GPC5: variants seen among roughly 807,000 people sequenced by gnomAD.
GPC5 encodes the protein glypican 5, also known as glypican-5.
In GPC5, 47 loss-of-function variants were observed where a neutral mutation model predicts 53.9. The observed-to-expected ratio is 0.87, with a 90% CI of 0.69 to 1.11. GPC5 has a LOEUF of 1.11. GPC5 is among the 50% of genes most tolerant of loss of function. GPC5 has a pLI of 0.00. For missense variants in GPC5, 748 were observed against 713.1 expected, an observed-to-expected ratio of 1.05 and a Z score of -0.56; for synonymous variants, 286 against 263.3, an observed-to-expected ratio of 1.09 and a Z score of -0.84.
chr13:92,273,967 A>G (rs2042857869), intron 7 of GPC5, among the ~76,000 whole-genome samples: 1 of 152,150 alleles, frequency 6.6e-6, no homozygotes, highest in African/African-American at 2.4e-5. Flanking sequence ...GAATCGCCTA[A>G]CTATACAAGA....
chr13:92,191,494 C>T (rs1696924168), intron 7 of GPC5, among the ~76,000 whole-genome samples: 1 of 152,126 alleles, frequency 6.6e-6, no homozygotes, highest in South Asian at 2.1e-4. Context: ...TAAACATACT[C>T]TTACCATATG....
At chr13:91,479,559 G>T (rs757049735) in intron 2 of GPC5, among the ~76,000 whole-genome samples, 12 of 152,072 alleles carry the variant, frequency 7.9e-5, no homozygotes, top group African/African-American at 2.4e-4. Flanking sequence ...AATTCCCCAA[G>T]AATATAGTCT....
chr13:91,418,179 C>T (rs1878368745), intron 1 of GPC5, among the ~76,000 whole-genome samples: 1 of 151,996 alleles, frequency 6.6e-6, no homozygotes, highest in Admixed American at 6.6e-5. Flanking sequence ...GCGTTTAGTA[C>T]TATGAATGGT....
chr13:91,658,964 G>A (rs1185389403), intron 2 of GPC5, among the ~76,000 whole-genome samples: 4 of 152,104 alleles, frequency 2.6e-5, no homozygotes, highest in Non-Finnish European at 4.4e-5. Flanking sequence ...TCAGGCTATT[G>A]TGTAATTTTC....
chr13:92,298,189 C>T (rs1468458996), intron 7 of GPC5, among the ~76,000 whole-genome samples: 1 of 152,156 alleles, frequency 6.6e-6, no homozygotes, highest in Admixed American at 6.5e-5. Context: ...GCCCACAGCA[C>T]CCAGTCTGTT....
At chr13:92,657,707 A>T (rs1484692778) in intron 7 of GPC5, among the ~76,000 whole-genome samples, 6 of 151,414 alleles carry the variant, frequency 4.0e-5, no homozygotes, top group Admixed American at 1.3e-4. Context: ...CCTCAATGTA[A>T]CCACATTCTT....
chr13:92,579,640 A>G (rs1399037962), intron 7 of GPC5, among the ~76,000 whole-genome samples: 7 of 152,118 alleles, frequency 4.6e-5, no homozygotes, highest in Non-Finnish European at 8.8e-5. Context: ...CTAATGGCTC[A>G]GCCTTTCCAT....
chr13:91,713,083 C>G (rs1021138496), intron 3 of GPC5, among the ~76,000 whole-genome samples: 8 of 152,206 alleles, frequency 5.3e-5, no homozygotes, highest in Admixed American at 4.6e-4. Context: ...CCCAGCTACT[C>G]AGGAGACTGA....
At chr13:92,422,470 G>A (rs1876608742) in intron 7 of GPC5, among the ~76,000 whole-genome samples, 1 of 145,608 alleles carries the variant, frequency 6.9e-6, no homozygotes, top group African/African-American at 2.6e-5. Flanking sequence ...CTTTCTGTAA[G>A]CACCACCCAT....
chr13:92,334,838 G>A (rs1326037630), intron 7 of GPC5, among the ~76,000 whole-genome samples: 1 of 152,120 alleles, frequency 6.6e-6, no homozygotes, highest in Non-Finnish European at 1.5e-5. Context: ...CTCACATCCA[G>A]GTCACACTGA....
chr13:91,783,477 A>G (rs1288267083), intron 5 of GPC5, among the ~76,000 whole-genome samples: 3 of 152,154 alleles, frequency 2.0e-5, no homozygotes, highest in Admixed American at 6.5e-5. Context: ...TCTGTCGCTC[A>G]GGCTGGAGTG....
At chr13:92,513,378 T>G (rs1273831172) in intron 7 of GPC5, among the ~76,000 whole-genome samples, 1 of 152,158 alleles carries the variant, frequency 6.6e-6, no homozygotes, top group Non-Finnish European at 1.5e-5. Context: ...ATGAATTAAT[T>G]CACTTGGACT....
intron 6 of GPC5, among the ~76,000 whole-genome samples, chr13:92,039,383 C>T (rs1172905538): frequency 2.6e-5 from 4 of 152,084 alleles, no homozygotes; most frequent in East Asian, 1.9e-4. Flanking sequence ...ACGTTGGGAT[C>T]GGGAATTCAG....
At chr13:92,441,494 A>G (rs527797514) in intron 7 of GPC5, among the ~76,000 whole-genome samples, 6 of 152,368 alleles carry the variant, frequency 3.9e-5, no homozygotes, top group Admixed American at 3.9e-4. Flanking sequence ...AAATTTCAGG[A>G]TACAAAATCA....
intron 1 of GPC5, among the ~76,000 whole-genome samples, chr13:91,444,163 A>G (rs1880626723): frequency 6.6e-6 from 1 of 151,842 alleles, no homozygotes; most frequent in East Asian, 1.9e-4. Flanking sequence ...CGTTTGTGTG[A>G]TTGGCTCTTG....
At chr13:92,273,600 C>T (rs2042854864) in intron 7 of GPC5, among the ~76,000 whole-genome samples, 1 of 151,688 alleles carries the variant, frequency 6.6e-6, no homozygotes, top group South Asian at 2.1e-4. Context: ...AAGGAAATTC[C>T]CCTCCCTGAA....
At chr13:91,552,592 G>C (rs1006708301) in intron 2 of GPC5, among the ~76,000 whole-genome samples, 2 of 152,094 alleles carry the variant, frequency 1.3e-5, no homozygotes, top group African/African-American at 4.8e-5. Flanking sequence ...GAAACGAAGG[G>C]ATGGGCCGAA....
intron 6 of GPC5, among the ~76,000 whole-genome samples, chr13:92,031,842 T>A (rs1223666954): frequency 9.6e-6 from 1 of 104,612 alleles, no homozygotes; most frequent in South Asian, 2.4e-4. Context: ...TATAATATAT[T>A]ACATATTATA....
At chr13:92,576,113 A>G (rs1883182133) in intron 7 of GPC5, among the ~76,000 whole-genome samples, 1 of 152,220 alleles carries the variant, frequency 6.6e-6, no homozygotes, top group African/African-American at 2.4e-5. Context: ...CTCCAGATAT[A>G]ACGAATACTA....
Sources: allele counts gnomAD v4.1 joint callset (sites outside exome capture counted in the v4.1 genomes callset), GRCh38; gene constraint gnomAD v4.1.1; transcripts MANE v1.5; gene names NCBI Gene and HGNC (gene_info 2026-07-23, HGNC 2026-07-21).